DLGAP2: variants seen among roughly 807,000 people sequenced by gnomAD.
The protein encoded by DLGAP2 is DLG associated protein 2.
In DLGAP2, 26 loss-of-function variants were observed where a neutral mutation model predicts 100.3. The observed-to-expected ratio is 0.26, with a 90% confidence interval of 0.19 to 0.36. The LOEUF is 0.36. Among genes scored for constraint, DLGAP2 ranks in the 10% least tolerant of loss-of-function variants. DLGAP2 has a pLI of 1.00. For missense variants in DLGAP2, 1,858 were observed against 1,453.2 expected, an observed-to-expected ratio of 1.28 and a Z score of -4.53; for synonymous variants, 886 against 630.1, an observed-to-expected ratio of 1.41 and a Z score of -6.08.
intron 2 of DLGAP2, among the ~76,000 whole-genome samples, chr8:1,008,562 C>G (rs912481386): frequency 4.6e-5 from 7 of 152,218 alleles, no homozygotes; most frequent in East Asian, 1.9e-4. Flanking sequence ...AAAGTTAAGA[C>G]TTGCATGAAA....
intron 2 of DLGAP2, among the ~76,000 whole-genome samples, chr8:996,969 G>T (rs1184599109): frequency 1.3e-5 from 2 of 152,168 alleles, no homozygotes; most frequent in South Asian, 4.1e-4. Context: ...AATCTATCTG[G>T]AGGTACATTA....
chr8:1,429,724 C>T (rs996969029), intron 3 of DLGAP2, among the ~76,000 whole-genome samples: 1 of 151,670 alleles, frequency 6.6e-6, no homozygotes, highest in African/African-American at 2.4e-5. Context: ...AAGCAGACCT[C>T]TACTCCCCAG....
intron 6 of DLGAP2, among the ~76,000 whole-genome samples, chr8:1,593,743 T>C (rs913277875): frequency 7.9e-5 from 12 of 152,180 alleles, no homozygotes; most frequent in African/African-American, 2.9e-4. Flanking sequence ...TGCTGGAGTC[T>C]GGCCCACTCT....
chr8:1,039,597 GCTTGGTGTGCGTGGTCA>G (rs1802248479), intron 2 of DLGAP2, among the ~76,000 whole-genome samples: 1 of 112,252 alleles, frequency 8.9e-6, no homozygotes, highest in Non-Finnish European at 1.8e-5. Context: ...TGCGTGGTCA[GCTTGGTGTGCGTGGTCA>G]GCTCGGTGTG....
chr8:1,656,175 T>C (rs1221471682), intron 8 of DLGAP2, among the ~76,000 whole-genome samples: 1 of 152,040 alleles, frequency 6.6e-6, no homozygotes, highest in Admixed American at 6.6e-5. Flanking sequence ...AATATAAAAT[T>C]AGCCAGGCGT....
chr8:1,695,529 C>A (rs1277818504), intron 13 of DLGAP2, among the ~76,000 whole-genome samples: 2 of 139,312 alleles, frequency 1.4e-5, no homozygotes, highest in Non-Finnish European at 1.5e-5. Context: ...CACAGCCATG[C>A]CCGGCCCTAC....
At position 863,056 on chromosome 8, in the gene DLGAP2, G is replaced by A. The variant is rs1265457875; in HGVS notation, c.19-44856G>A. ...GACATGCTGTGAAATCTTGTACTTTGCTATTTGTGAATTGTCTATGCATGC... is the reference window on the plus strand; with the variant it reads ...GACATGCTGTGAAATCTTGTACTTTACTATTTGTGAATTGTCTATGCATGC... On this transcript the variant is annotated intron_variant, in intron 1 of 14. Transcript: ENST00000637795. Among the ~76,000 whole-genome samples, 3 of 152,172 alleles carry A rather than the reference G, an allele frequency of 2.0e-5. No homozygotes were observed. The South Asian group carries it at 6.2e-4, about 31-fold the overall frequency.
intron 3 of DLGAP2, among the ~76,000 whole-genome samples, chr8:1,292,697 G>A (rs956537926): frequency 1.3e-5 from 2 of 152,180 alleles, no homozygotes; most frequent in African/African-American, 4.8e-5. Context: ...AGGTCGCGTG[G>A]ATGGGGCTTT....
At chr8:1,489,603 T>C (rs1799319602) in intron 3 of DLGAP2, among the ~76,000 whole-genome samples, 1 of 152,140 alleles carries the variant, frequency 6.6e-6, no homozygotes, top group South Asian at 2.1e-4. Context: ...GGCATACAGG[T>C]TGGTGGGAGA....
chr8:900,233 C>A lies in DLGAP2; in HGVS notation c.19-7679C>A, dbSNP rs566106092. On this transcript the variant is annotated intron_variant, in intron 1 of 14. Coordinates refer to ENST00000637795, the MANE Select transcript of DLGAP2 (RefSeq NM_001346810.2). ...TCCCGGGCGGACGGTGGGCGCCCTG[C>A]TCTTCAGGGCATTGCTCCCAGGCGG... Among the ~76,000 whole-genome samples the A allele has an allele frequency of 4.7e-5, 7 of 150,216 alleles. No homozygotes were observed. The South Asian group carries it at 1.5e-3, about 32-fold the overall frequency.
At chr8:800,999 A>T (rs184301649) in intron 1 of DLGAP2, among the ~76,000 whole-genome samples, 11 of 151,952 alleles carry the variant, frequency 7.2e-5, no homozygotes, top group Non-Finnish European at 1.3e-4. Flanking sequence ...CCACAGCCTG[A>T]TACACCTTCA....
intron 2 of DLGAP2, among the ~76,000 whole-genome samples, chr8:1,257,403 C>T (rs559080788): frequency 1.5e-4 from 23 of 152,178 alleles, no homozygotes; most frequent in Middle Eastern, 3.4e-3. Context: ...CCCTCCTGAA[C>T]GCCCTCCGCT....
intron 2 of DLGAP2, among the ~76,000 whole-genome samples, chr8:1,070,793 T>C (rs1803404750): frequency 6.6e-6 from 1 of 152,178 alleles, no homozygotes; most frequent in Non-Finnish European, 1.5e-5. Flanking sequence ...ACGCGCTGGC[T>C]TTTCCGTGTA....
intron 2 of DLGAP2, among the ~76,000 whole-genome samples, chr8:1,182,397 G>A (rs1456309306): frequency 1.3e-5 from 2 of 152,230 alleles, no homozygotes; most frequent in African/African-American, 4.8e-5. Flanking sequence ...CAACAGAATT[G>A]TATCAGTAGG....
At chr8:1,343,469 G>C (rs1316654825) in intron 3 of DLGAP2, among the ~76,000 whole-genome samples, 1 of 152,152 alleles carries the variant, frequency 6.6e-6, no homozygotes. Context: ...CTGGTCTCCA[G>C]CTCCCTCAGA....
intron 4 of DLGAP2, among the ~76,000 whole-genome samples, chr8:1,530,774 C>T (rs1800963825): frequency 6.6e-6 from 1 of 152,240 alleles, no homozygotes; most frequent in Admixed American, 6.5e-5. Context: ...GGGTCCCTGA[C>T]TTCCTGCAAC....
At chr8:1,608,914 T>C (rs890244635) in intron 6 of DLGAP2, among the ~76,000 whole-genome samples, 9 of 151,992 alleles carry the variant, frequency 5.9e-5, no homozygotes, top group African/African-American at 1.2e-4. Context: ...CTACGTCTGA[T>C]TGGTGTACCT....
intron 4 of DLGAP2, among the ~76,000 whole-genome samples, chr8:1,508,749 G>A (rs961352311): frequency 6.6e-6 from 1 of 151,128 alleles, no homozygotes; most frequent in African/African-American, 2.4e-5. Context: ...CGCAGGAGGC[G>A]CTGACGGCGT....
chr8:1,365,502 C>T (rs1371495130), intron 3 of DLGAP2, among the ~76,000 whole-genome samples: 1 of 152,130 alleles, frequency 6.6e-6, no homozygotes, highest in African/African-American at 2.4e-5. Flanking sequence ...GAGCAGGTGC[C>T]CTCCCAGGTC....
Sources: gnomAD v4.1 joint callset for allele counts (sites outside exome capture counted in the v4.1 genomes callset) on GRCh38, gnomAD v4.1.1 for gene constraint, MANE v1.5 for transcripts, NCBI Gene and HGNC (gene_info 2026-07-23, HGNC 2026-07-21) for gene names.